FOXL2: variants seen among roughly 807,000 people sequenced by gnomAD.
FOXL2 encodes the protein forkhead box protein L2.
In FOXL2, 3 loss-of-function variants were observed where a neutral mutation model predicts 2.5. The observed-to-expected ratio is 1.20, with a 90% CI of 0.55 to 3.11. The LOEUF is 3.11. FOXL2 is among the 30% of genes most tolerant of loss of function. FOXL2 has a pLI of 0.03. For missense variants in FOXL2, 512 were observed against 570.0 expected (o/e 0.90, Z 1.04); for synonymous variants, 315 against 269.4 (o/e 1.17, Z -1.66).
Position 138,945,235 on chromosome 3 carries a change from G to GAGTGAAGCAGTGTAGAT in FOXL2, c.*356_*357insATCTACACTGCTTCACT. The GAGTGAAGCAGTGTAGAT allele has an allele frequency of 1.2e-5, 3 of 253,838 alleles. No homozygotes were observed. The highest frequency in any genetic ancestry group is 2.3e-5 in the Non-Finnish European group (3 of 129,486). The allele number at this position is 253,838 out of a possible 1,614,324, so 15.7% of individuals were successfully genotyped here. On this transcript the variant is annotated 3_prime_UTR_variant, in exon 1 of 1. Coordinates refer to ENST00000648323, the MANE Select transcript of FOXL2 (RefSeq NM_023067.4). ...AGGCCAAGAGGTCTGCGCTGCCGAC[G>GAGTGAAGCAGTGTAGAT]CCCGGTCGCACCTCCGCCCCGGGCC...
Position 138,945,560 on chromosome 3 carries a change from C to A in FOXL2, c.*32G>T. On this transcript the variant is annotated 3_prime_UTR_variant, in exon 1 of 1. Coordinates refer to ENST00000648323, the MANE Select transcript of FOXL2 (RefSeq NM_023067.4). ...CCGGCGTCGCGCGTCCCTGCATCCT[C>A]GCATCCGTCTGCACCGGCATGCGGT... 6.3e-7 allele frequency: 1 copy of A among 1,598,368 alleles called. No homozygotes were observed.
In FOXL2 at chr3:138,945,647, G is replaced by T. The variant is rs1339245753; in HGVS notation, c.1076C>A (p.Ser359Tyr). The T allele has an allele frequency of 1.2e-6, 2 of 1,608,208 alleles. No homozygotes were observed. The highest frequency in any genetic ancestry group is 2.7e-5 in the African/African-American group (2 of 74,812). Residue 359 changes from serine to tyrosine, a missense_variant, in exon 1 of 1, where the codon TCT becomes TAT. Ser to Tyr is a moderately radical substitution (Grantham distance 144, BLOSUM62 -2). Transcript: ENST00000648323. Reference protein sequence around the residue: ...RQPELAMMHCSYWDHDSKTGA... With the variant: ...RQPELAMMHCYYWDHDSKTGA... ...GGTCTTGCTGTCGTGGTCCCAGTAA[G>T]AGCAATGCATCATGGCGAGCTCGGG...
At position 138,945,724 on chromosome 3, in the gene FOXL2, C is replaced by A. The variant is rs1450362736; in HGVS notation, c.999G>T (p.Pro333=). ...SPASPATAAP[P]APAPTSAPGL... ...CCGGCGCACTGGTGGGCGCGGGCGC[C>A]GGGGGCGCGGCGGTGGCTGGGCTGG... Residue 333 remains proline, a synonymous_variant, in exon 1 of 1, where the codon CCG becomes CCT. Coordinates refer to ENST00000648323, the MANE Select transcript of FOXL2 (RefSeq NM_023067.4). 2.8e-6 allele frequency: 4 copies of A among 1,448,364 alleles called. No homozygotes were observed. The South Asian group carries it at 4.2e-5, about 15-fold the overall frequency. 89.7% of individuals were successfully genotyped at this position (1,448,364 alleles called of 1,614,324 possible).
Position 138,946,525 on chromosome 3 carries a change from C to A in FOXL2, c.198G>T (p.Ala66=). The change falls in exon 1 of 1, where the codon GCG becomes GCT. Residue 66 remains alanine (A), a synonymous_variant. Transcript: ENST00000648323. The stretch of plus-strand genomic sequence containing the variant: ...GCCTCTTCTCCGCGCTCTCGCGGAT[C>A]GCCATGGCGATGAGCGCCACGTACG... ...PYSYVALIAM[A]IRESAEKRLT... The A allele has an allele frequency of 6.2e-7, 1 of 1,613,600 alleles. No individual in the cohort carries two copies. Among genetic ancestry groups the A allele is most frequent in the Non-Finnish European group, 8.5e-7 (1 of 1,180,004 alleles).
In FOXL2 at chr3:138,945,009, AC is replaced by A. The variant is rs1018196083; in HGVS notation, c.*582del. 7 of 232,254 alleles carry A rather than the reference AC, an allele frequency of 3.0e-5. No individual in the cohort carries two copies. Among genetic ancestry groups the A allele is most frequent in the African/African-American group, 1.3e-4 (6 of 45,130 alleles). The allele number at this position is 232,254 out of a possible 1,614,324, so 14.4% of individuals were successfully genotyped here. On this transcript the variant is annotated 3_prime_UTR_variant, in exon 1 of 1. Coordinates refer to ENST00000648323, the MANE Select transcript of FOXL2 (RefSeq NM_023067.4). ...CTGCCCCGGCTCCCGCTGGGTCCCA[AC>A]CCCCGCCCCGCCTAGTGGGCCCCGC...
Position 138,945,463 on chromosome 3 carries a change from G to A in FOXL2, c.*129C>T. ...GCGAAAAAGCACAGAGGGACCCTGGGCGCTGGCTCCAGAGGCGGGCCCAGA... is the reference window on the plus strand; with the variant it reads ...GCGAAAAAGCACAGAGGGACCCTGGACGCTGGCTCCAGAGGCGGGCCCAGA... On this transcript the variant is annotated 3_prime_UTR_variant, in exon 1 of 1. Coordinates refer to ENST00000648323, the MANE Select transcript of FOXL2 (RefSeq NM_023067.4). 2.7e-6 allele frequency: 4 copies of A among 1,469,042 alleles called. No individual in the cohort carries two copies. The highest frequency in any genetic ancestry group is 3.6e-6 in the Non-Finnish European group (4 of 1,096,226). The allele number at this position is 1,469,042 out of a possible 1,614,324, so 91.0% of individuals were successfully genotyped here.
In FOXL2 at chr3:138,946,688, G is replaced by A. The variant is rs2107745133; in HGVS notation, c.35C>T (p.Ala12Val). ...MASYPEPEDA[A>V]GALLAPETGR... ...GGTCTCTGGGGCCAGCAGGGCCCCC[G>A]CCGCGTCCTCGGGCTCGGGGTAGCT... Residue 12 changes from alanine to valine, a missense_variant, in exon 1 of 1, where the codon GCG (alanine) becomes GTG (valine). Around this residue, in one of 5 missense-constraint regions of FOXL2, gnomAD observed 92 missense variants for 77.8 expected, o/e 1.18. Transcript: ENST00000648323. The A allele has an allele frequency of 4.4e-6, 7 of 1,575,010 alleles. No individual in the cohort carries two copies. The highest frequency in any genetic ancestry group is 2.3e-5 in the East Asian group (1 of 42,744).
chr3:138,945,273 A>C lies in FOXL2; in HGVS notation c.*319T>G. On this transcript the variant is annotated 3_prime_UTR_variant, in exon 1 of 1. Coordinates refer to ENST00000648323, the MANE Select transcript of FOXL2 (RefSeq NM_023067.4). ...TCCGCCCCGGGCCCTTTCCGCGGTGAATTTGGGCAGGAGACGCTGGGGCTC... is the reference window on the plus strand; with the variant it reads ...TCCGCCCCGGGCCCTTTCCGCGGTGCATTTGGGCAGGAGACGCTGGGGCTC... 3.8e-6 allele frequency: 1 copy of C among 259,878 alleles called. No individual in the cohort carries two copies. The highest frequency in any genetic ancestry group is 7.3e-6 in the Non-Finnish European group (1 of 137,196). 16.1% of individuals were successfully genotyped at this position (259,878 alleles called of 1,614,324 possible).
Position 138,946,090 on chromosome 3 carries a change from T to C in FOXL2, c.633A>G (p.Ser211=). 6.8e-7 allele frequency: 1 copy of C among 1,469,410 alleles called. No homozygotes were observed. The highest frequency in any genetic ancestry group is 8.9e-7 in the Non-Finnish European group (1 of 1,118,790). 91.0% of individuals were successfully genotyped at this position (1,469,410 alleles called of 1,614,324 possible). A position where few individuals can be genotyped will look rare whatever the true frequency, so the allele number is the denominator to read the frequency against. Reference sequence around the variant, plus strand: ...TCTGGCAGGAGGCATAGGGCATGGGTGAGGGAGGCTGCGGTAGCGGCCACG... The same window carrying C: ...TCTGGCAGGAGGCATAGGGCATGGGCGAGGGAGGCTGCGGTAGCGGCCACG... ...NNSWPLPQPP[S]PMPYASCQMA... The change falls in exon 1 of 1, where the codon TCA becomes TCG. Residue 211 remains serine, a synonymous_variant. Coordinates refer to ENST00000648323, the MANE Select transcript of FOXL2 (RefSeq NM_023067.4).
At position 138,947,055 on chromosome 3, in the gene FOXL2, C is replaced by A; in HGVS notation, c.-333G>T. ...CTGCGCTCTTCCCCTCCCCCCGCCCCCCGGTTTCCCGAAGCACGACCCGCG... is the reference window on the plus strand; with the variant it reads ...CTGCGCTCTTCCCCTCCCCCCGCCCACCGGTTTCCCGAAGCACGACCCGCG... On this transcript the variant is annotated 5_prime_UTR_variant, in exon 1 of 1. Coordinates refer to ENST00000648323, the MANE Select transcript of FOXL2 (RefSeq NM_023067.4). The surrounding 1 kb of genome is among the most constrained non-coding windows in gnomAD (Gnocchi z 5.2). 6.2e-6 allele frequency: 2 copies of A among 320,652 alleles called. No homozygotes were observed. Among genetic ancestry groups the A allele is most frequent in the Non-Finnish European group, 1.2e-5 (2 of 173,378 alleles). 19.9% of individuals were successfully genotyped at this position (320,652 alleles called of 1,614,324 possible). A position where few individuals can be genotyped will look rare whatever the true frequency, so the allele number is the denominator to read the frequency against.
At position 138,947,059 on chromosome 3, in the gene FOXL2, G is replaced by C. The variant is rs574415705; in HGVS notation, c.-337C>G. ...GCTCTTCCCCTCCCCCCGCCCCCCG[G>C]TTTCCCGAAGCACGACCCGCGTCTC... On this transcript the variant is annotated 5_prime_UTR_variant, in exon 1 of 1. Transcript: ENST00000648323. This position sits in a 1 kb window ranked among gnomAD's most constrained non-coding sequence, Gnocchi z 5.2. The C allele has an allele frequency of 6.6e-6, 3 of 451,698 alleles. No homozygotes were observed. The highest frequency in any genetic ancestry group is 4.7e-5 in the African/African-American group (2 of 42,582). The allele number at this position is 451,698 out of a possible 1,614,324, so 28.0% of individuals were successfully genotyped here. A position where few individuals can be genotyped will look rare whatever the true frequency, so the allele number is the denominator to read the frequency against.
At position 138,945,805 on chromosome 3, in the gene FOXL2, C is replaced by T. The variant is rs1245058278; in HGVS notation, c.918G>A (p.Pro306=). 4.2e-6 allele frequency: 5 copies of T among 1,188,964 alleles called. No homozygotes were observed. Among genetic ancestry groups the T allele is most frequent in the East Asian group, 7.0e-5 (2 of 28,608 alleles). The allele number at this position is 1,188,964 out of a possible 1,614,324, so 73.7% of individuals were successfully genotyped here. A position where few individuals can be genotyped will look rare whatever the true frequency, so the allele number is the denominator to read the frequency against. The change falls in exon 1 of 1, where the codon CCG becomes CCA. Residue 306 remains proline (P), a synonymous_variant. Coordinates refer to ENST00000648323, the MANE Select transcript of FOXL2 (RefSeq NM_023067.4). ...CGGCCCCGTGGTGCGGTGGGGCAGGCGGCGGTGCGGCGGCCGCGTGCAGAT... is the reference window on the plus strand; with the variant it reads ...CGGCCCCGTGGTGCGGTGGGGCAGGTGGCGGTGCGGCGGCCGCGTGCAGAT... ...AHHLHAAAAP[P]PAPPHHGAAA...
In FOXL2 at chr3:138,946,913, G is replaced by T; in HGVS notation, c.-191C>A. ...TCTCCTTCCCCTTCCCCTAGGGAGC[G>T]GCCGGCGGGAGTGGAGCTCAGCCTC... On this transcript the variant is annotated 5_prime_UTR_variant, in exon 1 of 1. Transcript: ENST00000648323. The T allele has an allele frequency of 1.1e-6, 1 of 874,624 alleles. No homozygotes were observed. Among genetic ancestry groups the T allele is most frequent in the Non-Finnish European group, 1.7e-6 (1 of 582,134 alleles). The allele number at this position is 874,624 out of a possible 1,614,324, so 54.2% of individuals were successfully genotyped here. A position where few individuals can be genotyped will look rare whatever the true frequency, so the allele number is the denominator to read the frequency against.
Position 138,944,990 on chromosome 3 carries a change from C to G in FOXL2, c.*602G>C. On this transcript the variant is annotated 3_prime_UTR_variant, in exon 1 of 1. Transcript: ENST00000648323. ...TACAGGCCGTGGAGCCAGGCTGCCCCGGCTCCCGCTGGGTCCCAACCCCCG... is the reference window on the plus strand; with the variant it reads ...TACAGGCCGTGGAGCCAGGCTGCCCGGGCTCCCGCTGGGTCCCAACCCCCG... The G allele has an allele frequency of 4.3e-6, 1 of 232,898 alleles. No homozygotes were observed. Among genetic ancestry groups the G allele is most frequent in the Non-Finnish European group, 8.5e-6 (1 of 117,756 alleles). The allele number at this position is 232,898 out of a possible 1,614,324, so 14.4% of individuals were successfully genotyped here. A position where few individuals can be genotyped will look rare whatever the true frequency, so the allele number is the denominator to read the frequency against.
rs746502857 is a variant in FOXL2 at position 138,946,333 on chromosome 3, C to T, written c.390G>A (p.Leu130=). The T allele has an allele frequency of 1.2e-6, 2 of 1,613,928 alleles. No individual in the cohort carries two copies. The highest frequency in any genetic ancestry group is 2.2e-5 in the South Asian group (2 of 91,076). ...GGERKGNYWT[L]DPACEDMFEK... The stretch of plus-strand genomic sequence containing the variant: ...CGAACATGTCTTCGCAGGCCGGGTC[C>T]AGCGTCCAGTAGTTGCCCTTGCGCT... The change falls in exon 1 of 1, where the codon CTG becomes CTA. Residue 130 remains leucine, a synonymous_variant. Coordinates refer to ENST00000648323, the MANE Select transcript of FOXL2 (RefSeq NM_023067.4).
Position 138,945,656 on chromosome 3 carries a change from A to C in FOXL2, c.1067T>G (p.Met356Arg). Residue 356 changes from methionine to arginine, a missense_variant, in exon 1 of 1, where the codon ATG becomes AGG. Transcript: ENST00000648323. ...GTCGTGGTCCCAGTAAGAGCAATGC[A>C]TCATGGCGAGCTCGGGCTGCCGGGC... is the stretch of plus-strand genomic sequence containing the variant. ...ACARQPELAM[M>R]HCSYWDHDSK... is the part of the protein sequence containing the mutation. The C allele has an allele frequency of 2.5e-6, 4 of 1,596,438 alleles. No individual in the cohort carries two copies. The highest frequency in any genetic ancestry group is 3.4e-6 in the Non-Finnish European group (4 of 1,169,236).
chr3:138,945,234 C>CGAATA lies in FOXL2; in HGVS notation c.*357_*358insTATTC. 2 of 254,294 alleles carry CGAATA rather than the reference C, an allele frequency of 7.9e-6. No homozygotes were observed. Among genetic ancestry groups the CGAATA allele is most frequent in the Admixed American group, 4.9e-5 (1 of 20,220 alleles). The allele number at this position is 254,294 out of a possible 1,614,324, so 15.8% of individuals were successfully genotyped here. A position where few individuals can be genotyped will look rare whatever the true frequency, so the allele number is the denominator to read the frequency against. ...AAGGCCAAGAGGTCTGCGCTGCCGA[C>CGAATA]GCCCGGTCGCACCTCCGCCCCGGGC... is the stretch of plus-strand genomic sequence containing the variant. On this transcript the variant is annotated 3_prime_UTR_variant, in exon 1 of 1. Coordinates refer to ENST00000648323, the MANE Select transcript of FOXL2 (RefSeq NM_023067.4).
rs768080893 is a variant in FOXL2 at position 138,946,537 on chromosome 3, G to A, written c.186C>T (p.Leu62=). ...AQKPPYSYVA[L]IAMAIRESAE... ...CGCTCTCGCGGATCGCCATGGCGAT[G>A]AGCGCCACGTACGAGTACGGGGGCT... Residue 62 remains leucine (L), a synonymous_variant, in exon 1 of 1, where the codon CTC becomes CTT. Coordinates refer to ENST00000648323, the MANE Select transcript of FOXL2 (RefSeq NM_023067.4). The A allele has an allele frequency of 1.9e-6, 3 of 1,613,008 alleles. No homozygotes were observed. Among genetic ancestry groups the A allele is most frequent in the Admixed American group, 3.3e-5 (2 of 60,012 alleles).
At position 138,945,409 on chromosome 3, in the gene FOXL2, A is replaced by G; in HGVS notation, c.*183T>C. ...GCACAGGAGGACATAAACTGAGGGG[A>G]CAAAGAGGAGCGACAGGAGCTTAGG... On this transcript the variant is annotated 3_prime_UTR_variant, in exon 1 of 1. Coordinates refer to ENST00000648323, the MANE Select transcript of FOXL2 (RefSeq NM_023067.4). 4.7e-6 allele frequency: 5 copies of G among 1,055,950 alleles called. No individual in the cohort carries two copies. The highest frequency in any genetic ancestry group is 6.6e-6 in the Non-Finnish European group (5 of 754,000). The allele number at this position is 1,055,950 out of a possible 1,614,324, so 65.4% of individuals were successfully genotyped here.
Sources: gnomAD v4.1 joint callset for allele counts on GRCh38, gnomAD v4.1.1 for gene constraint, gnomAD v4.1.1 regional missense constraint, Gnocchi (gnomAD v3.1) non-coding constraint, MANE v1.5 for transcripts, NCBI Gene and HGNC (gene_info 2026-07-23, HGNC 2026-07-21) for gene names.